PHACTR3: variants seen among roughly 807,000 people sequenced by gnomAD.
PHACTR3 encodes the protein protein phosphatase 1, regulatory subunit 123.
PHACTR3 carries 16 observed loss-of-function variants against 66.8 expected under a neutral mutation model. The ratio of observed to expected loss-of-function variants is 0.24; its 90% confidence interval spans 0.16 to 0.36. PHACTR3 has a LOEUF of 0.36. Ranked by LOEUF, PHACTR3 falls within the 10% of genes least tolerant of loss-of-function variation. PHACTR3 has a pLI of 1.00. For synonymous variants in PHACTR3, 323 were observed against 292.1 expected (o/e 1.11, Z -1.08); for missense variants, 647 against 719.9 (o/e 0.90, Z 1.16).
At chr20:59,698,615 C>G (rs2037385414) in intron 1 of PHACTR3, among the ~76,000 whole-genome samples, 1 of 152,076 alleles carries the variant, frequency 6.6e-6, no homozygotes, top group Non-Finnish European at 1.5e-5. Flanking sequence ...ATTTTTAAAA[C>G]AAGAGATTTA....
chr20:59,842,403 G>A (rs988238094), intron 11 of PHACTR3, among the ~76,000 whole-genome samples: 3 of 152,184 alleles, frequency 2.0e-5, no homozygotes, highest in African/African-American at 7.2e-5. Flanking sequence ...AAATGTGAAC[G>A]TGTTGGACTA....
At chr20:59,594,186 A>G (rs2033262146) in intron 1 of PHACTR3, among the ~76,000 whole-genome samples, 1 of 152,084 alleles carries the variant, frequency 6.6e-6, no homozygotes. Context: ...AATCTTATAC[A>G]TATTTTGTTA....
At chr20:59,690,089 T>A (rs2037054612) in intron 1 of PHACTR3, among the ~76,000 whole-genome samples, 1 of 152,154 alleles carries the variant, frequency 6.6e-6, no homozygotes, top group Non-Finnish European at 1.5e-5. Context: ...GCTCATGGCT[T>A]GTAAAATCAA....
intron 1 of PHACTR3, among the ~76,000 whole-genome samples, chr20:59,592,638 G>A (rs1240062857): frequency 6.6e-6 from 1 of 152,086 alleles, no homozygotes; most frequent in African/African-American, 2.4e-5. Context: ...TCTGTGCTCT[G>A]CCTAGTCATT....
chr20:59,774,579 G>A (rs1311325979), intron 7 of PHACTR3, 89 bp downstream of exon 7: 11 of 1,513,430 alleles, frequency 7.3e-6, no homozygotes, highest in African/African-American at 2.8e-5. Flanking sequence ...GTGCCTGGGG[G>A]AGGAACAGGT....
intron 2 of PHACTR3, among the ~76,000 whole-genome samples, chr20:59,744,706 A>G (rs2039304171): frequency 6.6e-6 from 1 of 152,236 alleles, no homozygotes; most frequent in Non-Finnish European, 1.5e-5. Flanking sequence ...AGAAGTTGAT[A>G]GATGAATTCT....
chr20:59,635,651 A>G (rs1044306918), intron 1 of PHACTR3, among the ~76,000 whole-genome samples: 1 of 152,244 alleles, frequency 6.6e-6, no homozygotes, highest in Non-Finnish European at 1.5e-5. Context: ...GAAGGAAGTT[A>G]AGATGTCTTA....
At chr20:59,654,388 G>T (rs1470541486) in intron 1 of PHACTR3, among the ~76,000 whole-genome samples, 3 of 152,076 alleles carry the variant, frequency 2.0e-5, no homozygotes, top group Non-Finnish European at 4.4e-5. Context: ...GAAATAACAG[G>T]TGTAGGCAAT....
At chr20:59,704,189 T>A (rs760298884) in intron 1 of PHACTR3, among the ~76,000 whole-genome samples, 8 of 152,190 alleles carry the variant, frequency 5.3e-5, no homozygotes, top group South Asian at 2.1e-4. Context: ...CTTTTTATGT[T>A]CCCATTAAGA....
intron 4 of PHACTR3, among the ~76,000 whole-genome samples, chr20:59,757,001 A>G (rs2039820575): frequency 6.6e-6 from 1 of 152,262 alleles, no homozygotes. Context: ...CGAAGAATTC[A>G]AACAAATTGA....
intron 1 of PHACTR3, among the ~76,000 whole-genome samples, chr20:59,696,512 C>A (rs192932022): frequency 1.3e-5 from 2 of 152,184 alleles, no homozygotes; most frequent in African/African-American, 4.8e-5. Context: ...CATGTTGGGG[C>A]TGTGCTTCGG....
At chr20:59,628,519 TG>T in intron 1 of PHACTR3, 2 of 568,488 alleles carry the variant, frequency 3.5e-6, no homozygotes, top group Non-Finnish European at 2.2e-6. Context: ...CAGCCGTGCA[TG>T]GGGCCACGTG....
chr20:59,681,801 G>A (rs1408770598), intron 1 of PHACTR3, among the ~76,000 whole-genome samples: 7 of 151,664 alleles, frequency 4.6e-5, no homozygotes, highest in Admixed American at 1.3e-4. Flanking sequence ...ACCTGAGGTC[G>A]GGAGTTTGAG....
At chr20:59,703,385 C>A (rs148365666) in intron 1 of PHACTR3, among the ~76,000 whole-genome samples, 250 of 152,240 alleles carry the variant, frequency 1.6e-3, no homozygotes, top group African/African-American at 5.8e-3. Flanking sequence ...TTTCTCCTTG[C>A]CCATTTTTTG....
chr20:59,605,186 C>T, intron 1 of PHACTR3, 54 bp downstream of exon 1: 4 of 1,222,040 alleles, frequency 3.3e-6, no homozygotes, highest in South Asian at 2.5e-5. Context: ...AGGCAGGTGG[C>T]GCTGAGAGCA....
chr20:59,716,633 T>A (rs542119329), intron 1 of PHACTR3, among the ~76,000 whole-genome samples: 1 of 152,314 alleles, frequency 6.6e-6, no homozygotes, highest in South Asian at 2.1e-4. Flanking sequence ...AAGGAGATTC[T>A]CCAGTCCCCT....
At position 59,634,989 on chromosome 20, in the gene PHACTR3, C is replaced by A. The variant is rs2034797035; in HGVS notation, c.118+29857C>A. ...GAACCAGTCACCTCCATTCTAGCAT[C>A]CTTTCTGAGAGTGCCGGGTGGAGGG... is the stretch of plus-strand genomic sequence containing the variant. On this transcript the variant is annotated intron_variant, in intron 1 of 12. Transcript: ENST00000371015. 1.3e-5 allele frequency among the ~76,000 whole-genome samples: 2 copies of A among 152,100 alleles called. 1 individual carries two copies. Among genetic ancestry groups the A allele is most frequent in the Admixed American group, 1.3e-4 (2 of 15,272 alleles).
intron 1 of PHACTR3, among the ~76,000 whole-genome samples, chr20:59,672,256 G>A (rs796725354): frequency 3.9e-5 from 6 of 152,348 alleles, no homozygotes; most frequent in South Asian, 2.1e-4. Flanking sequence ...CTGAGGCTGC[G>A]CATCCCTGCG....
chr20:59,765,629 A>C (rs956036724), intron 4 of PHACTR3, among the ~76,000 whole-genome samples: 1 of 152,244 alleles, frequency 6.6e-6, no homozygotes, highest in African/African-American at 2.4e-5. Context: ...GAAACTAATG[A>C]TAGCTAATGG....
Sources: allele counts gnomAD v4.1 joint callset (sites outside exome capture counted in the v4.1 genomes callset), GRCh38; gene constraint gnomAD v4.1.1; transcripts MANE v1.5; gene names NCBI Gene and HGNC (gene_info 2026-07-23, HGNC 2026-07-21).